Variants in MAPK8 observed in about 807,000 individuals in gnomAD.
The protein encoded by MAPK8 is JUN N-terminal kinase.
In MAPK8, 13 loss-of-function variants were observed where a neutral mutation model predicts 52.9. That is an observed-to-expected ratio of 0.25 (90% CI 0.16 to 0.39). The LOEUF (loss-of-function observed/expected upper bound fraction) is 0.39, where lower values mean the gene tolerates loss of function less well. Among genes scored for constraint, MAPK8 ranks in the 10% least tolerant of loss-of-function variants. The pLI, the probability that MAPK8 is intolerant of heterozygous loss-of-function variation, is 1.00. For missense variants in MAPK8, 300 were observed against 519.2 expected, an observed-to-expected ratio of 0.58 and a Z score of 4.10; for synonymous variants, 191 against 169.8, an observed-to-expected ratio of 1.12 and a Z score of -0.97.
At chr10:48,365,945 T>G (rs1191792793) in intron 1 of MAPK8, among the ~76,000 whole-genome samples, 1 of 152,146 alleles carries the variant, frequency 6.6e-6, no homozygotes, top group Non-Finnish European at 1.5e-5. Context: ...TCAGAATATA[T>G]AGTAATTTAC....
chr10:48,395,809 A>G (rs769503669), intron 1 of MAPK8, among the ~76,000 whole-genome samples: 8 of 152,134 alleles, frequency 5.3e-5, no homozygotes, highest in Non-Finnish European at 4.4e-5. Context: ...CAGAATTAAA[A>G]GTCCAGAAGT....
chr10:48,345,547 C>T lies in MAPK8; in HGVS notation c.-50+38726C>T, dbSNP rs185959940. Among the ~76,000 whole-genome samples the T allele has an allele frequency of 2.0e-5, 3 of 152,230 alleles. No homozygotes were observed. The South Asian group carries it at 6.2e-4, about 32-fold the overall frequency. On this transcript the variant is annotated intron_variant, in intron 1 of 11. Coordinates refer to ENST00000374189, the MANE Select transcript of MAPK8 (RefSeq NM_001323329.2). ...AAGCCTAACCATGAAGAAAATGATA[C>T]GTAAACTTCTAAGTGATATGGTACA...
At chr10:48,337,451 C>A (rs530879334) in intron 1 of MAPK8, among the ~76,000 whole-genome samples, 22 of 152,048 alleles carry the variant, frequency 1.4e-4, no homozygotes, top group Admixed American at 8.5e-4. Flanking sequence ...TAGGATATAG[C>A]AAAATAGAGT....
chr10:48,358,889 A>G (rs1049220043), intron 1 of MAPK8, among the ~76,000 whole-genome samples: 3 of 152,060 alleles, frequency 2.0e-5, no homozygotes, highest in African/African-American at 7.2e-5. Context: ...TTGTCTTGAC[A>G]CCCTTGTCAG....
chr10:48,361,688 C>T (rs1421027759), intron 1 of MAPK8, among the ~76,000 whole-genome samples: 1 of 152,144 alleles, frequency 6.6e-6, no homozygotes, highest in African/African-American at 2.4e-5. Context: ...CCCTGATGAC[C>T]GTTGTGCATT....
chr10:48,420,077 G>A (rs1340673113), intron 5 of MAPK8, 78 bp from the exon 6 acceptor site: 1 of 1,042,710 alleles, frequency 9.6e-7, no homozygotes, highest in East Asian at 2.4e-5. Context: ...TTTTGCAAGG[G>A]ATAGTATAAC....
At chr10:48,369,034 G>A (rs973131790) in intron 1 of MAPK8, among the ~76,000 whole-genome samples, 1 of 152,164 alleles carries the variant, frequency 6.6e-6, no homozygotes, top group African/African-American at 2.4e-5. Flanking sequence ...TAAGAGGGCA[G>A]GGTCATGTAG....
Position 48,346,468 on chromosome 10 carries a change from G to A in MAPK8, c.-50+39647G>A, listed in dbSNP as rs573190913. On this transcript the variant is annotated intron_variant, in intron 1 of 11. Coordinates refer to ENST00000374189, the MANE Select transcript of MAPK8 (RefSeq NM_001323329.2). Reference sequence around the variant, plus strand: ...CAGTGACGCCAGCGTCTGGGAAGACGCCCGTTACCAGGCGGATCGTGGTCC... The same window carrying A: ...CAGTGACGCCAGCGTCTGGGAAGACACCCGTTACCAGGCGGATCGTGGTCC... Among the ~76,000 whole-genome samples the A allele has an allele frequency of 7.9e-5, 12 of 152,348 alleles. No homozygotes were observed. The South Asian group carries it at 1.2e-3, about 16-fold the overall frequency.
intron 5 of MAPK8, among the ~76,000 whole-genome samples, chr10:48,412,111 G>T (rs2042788837): frequency 6.6e-6 from 1 of 152,204 alleles, no homozygotes; most frequent in South Asian, 2.1e-4. Flanking sequence ...CTCCCAGAGT[G>T]CTGGGATTAC....
chr10:48,394,340 A>G (rs1006096578), intron 1 of MAPK8, among the ~76,000 whole-genome samples: 2 of 151,932 alleles, frequency 1.3e-5, no homozygotes, highest in African/African-American at 4.8e-5. Flanking sequence ...AGATGGAAAA[A>G]TCTTCAATGA....
intron 1 of MAPK8, among the ~76,000 whole-genome samples, chr10:48,336,603 G>C (rs530791202): frequency 6.6e-6 from 1 of 152,160 alleles, no homozygotes. Context: ...TCAGTTCATT[G>C]ACAAAGTAAT....
intron 1 of MAPK8, among the ~76,000 whole-genome samples, chr10:48,362,444 A>G (rs1202178612): frequency 6.6e-6 from 1 of 151,534 alleles, no homozygotes; most frequent in Non-Finnish European, 1.5e-5. Flanking sequence ...TCAGGGAGTC[A>G]TCTTTGTGTC....
At chr10:48,432,983 C>T (rs928212027) in intron 11 of MAPK8, among the ~76,000 whole-genome samples, 1 of 152,136 alleles carries the variant, frequency 6.6e-6, no homozygotes, top group Non-Finnish European at 1.5e-5. Context: ...ACCATTTCCA[C>T]TTGATTTTTA....
At chr10:48,403,457 A>T (rs1418292217) in intron 2 of MAPK8, among the ~76,000 whole-genome samples, 2 of 141,828 alleles carry the variant, frequency 1.4e-5, no homozygotes, top group African/African-American at 2.6e-5. Flanking sequence ...GACTCCGTCT[A>T]AAAAAAAAAA....
intron 1 of MAPK8, among the ~76,000 whole-genome samples, chr10:48,392,499 T>C (rs1184719125): frequency 6.6e-6 from 1 of 151,972 alleles, no homozygotes; most frequent in Non-Finnish European, 1.5e-5. Context: ...CACTTGGAAA[T>C]TGCACTTTTT....
chr10:48,332,411 G>A lies in MAPK8; in HGVS notation c.-50+25590G>A, dbSNP rs112231031. ...TACCCTGTTGCATCATGCAGAGTCG[G>A]GGATCCCCAATGACTCCTTTTGTGT... On this transcript the variant is annotated intron_variant, in intron 1 of 11. Coordinates refer to ENST00000374189, the MANE Select transcript of MAPK8 (RefSeq NM_001323329.2). Among the ~76,000 whole-genome samples, 1,206 of 152,234 alleles carry A rather than the reference G, an allele frequency of 7.9e-3. 13 individuals carry two copies. Among genetic ancestry groups the A allele is most frequent in the African/African-American group, 0.028 (1,157 of 41,538 alleles).
intron 1 of MAPK8, among the ~76,000 whole-genome samples, chr10:48,395,036 T>C (rs2132892874): frequency 6.6e-6 from 1 of 152,046 alleles, no homozygotes; most frequent in Non-Finnish European, 1.5e-5. Context: ...GAAACAAGTG[T>C]CATGTCTGTG....
At chr10:48,329,929 G>A (rs1453449890) in intron 1 of MAPK8, among the ~76,000 whole-genome samples, 2 of 152,130 alleles carry the variant, frequency 1.3e-5, no homozygotes, top group Non-Finnish European at 2.9e-5. Flanking sequence ...GCAACAGGAA[G>A]CATTTAAAAA....
At position 48,435,133 on chromosome 10, in the gene MAPK8, A is replaced by C. The variant is rs2133401595; in HGVS notation, c.*104A>C. 1.1e-6 allele frequency: 1 copy of C among 889,506 alleles called. No individual in the cohort carries two copies. Among genetic ancestry groups the C allele is most frequent in the South Asian group, 2.4e-5 (1 of 42,298 alleles). The allele number at this position is 889,506 out of a possible 1,614,324, so 55.1% of individuals were successfully genotyped here. A position where few individuals can be genotyped will look rare whatever the true frequency, so the allele number is the denominator to read the frequency against. On this transcript the variant is annotated 3_prime_UTR_variant, in exon 12 of 12. Transcript: ENST00000374189. ...GTCTTATTTTTGGGTGATTTTTCAA[A>C]AAATGTAGAATTCATTTTGTAGTAA... is the stretch of plus-strand genomic sequence containing the variant.
Sources: allele counts gnomAD v4.1 joint callset (sites outside exome capture counted in the v4.1 genomes callset), GRCh38; gene constraint gnomAD v4.1.1; transcripts MANE v1.5; gene names NCBI Gene and HGNC (gene_info 2026-07-23, HGNC 2026-07-21).